WWOX: variants seen among roughly 807,000 people sequenced by gnomAD.
The protein encoded by WWOX is WW domain-containing oxidoreductase.
Under a neutral mutation model 46.2 loss-of-function variants are expected in WWOX, and 69 were observed. The ratio of observed to expected loss-of-function variants is 1.49; its 90% CI spans 1.23 to 1.82. The LOEUF (loss-of-function observed/expected upper bound fraction) is 1.82. WWOX is among the 40% of genes most tolerant of loss of function. The pLI is 0.00. For missense variants in WWOX, 919 were observed against 542.6 expected, an observed-to-expected ratio of 1.69 and a Z score of -6.89; for synonymous variants, 359 against 202.6, an observed-to-expected ratio of 1.77 and a Z score of -6.56.
chr16:78,274,171 C>G (rs1181009204), intron 5 of WWOX, among the ~76,000 whole-genome samples: 1 of 152,094 alleles, frequency 6.6e-6, no homozygotes, highest in Non-Finnish European at 1.5e-5. Context: ...TTGTTCCTTT[C>G]TTGCTCTTCC....
intron 8 of WWOX, among the ~76,000 whole-genome samples, chr16:78,527,198 A>G (rs2043492356): frequency 6.6e-6 from 1 of 152,138 alleles, no homozygotes; most frequent in African/African-American, 2.4e-5. Flanking sequence ...ACAGATGAAC[A>G]ACCCCACACA....
At chr16:78,754,977 A>T (rs766190709) in intron 8 of WWOX, among the ~76,000 whole-genome samples, 1 of 151,468 alleles carries the variant, frequency 6.6e-6, no homozygotes, top group Non-Finnish European at 1.5e-5. Context: ...TATTAAAAGA[A>T]TACACAGGAG....
At chr16:78,742,574 G>T (rs1203806673) in intron 8 of WWOX, among the ~76,000 whole-genome samples, 1 of 152,196 alleles carries the variant, frequency 6.6e-6, no homozygotes, top group African/African-American at 2.4e-5. Flanking sequence ...CTAGGGAAAG[G>T]AACGCACAGC....
intron 8 of WWOX, among the ~76,000 whole-genome samples, chr16:79,024,971 A>T (rs953082090): frequency 6.6e-6 from 1 of 152,158 alleles, no homozygotes; most frequent in Non-Finnish European, 1.5e-5. Flanking sequence ...GGCCTACACA[A>T]CAGGAGTTCA....
chr16:78,367,508 G>A (rs75405387), intron 5 of WWOX, among the ~76,000 whole-genome samples: 2,179 of 152,234 alleles, frequency 0.014, 34 homozygotes, highest in Middle Eastern at 0.061. Flanking sequence ...ACCCAGGGAA[G>A]CCAAAAGATT....
At chr16:78,289,161 C>T (rs1027727197) in intron 5 of WWOX, among the ~76,000 whole-genome samples, 1 of 152,094 alleles carries the variant, frequency 6.6e-6, no homozygotes, top group Non-Finnish European at 1.5e-5. Flanking sequence ...GTGCTGGCAG[C>T]GTCACTATGC....
chr16:78,114,627 G>A (rs1165341200), intron 3 of WWOX, among the ~76,000 whole-genome samples: 1 of 151,796 alleles, frequency 6.6e-6, no homozygotes, highest in African/African-American at 2.4e-5. Flanking sequence ...CTACTGAAAA[G>A]AGTGGCTGAC....
chr16:78,891,301 C>A (rs185251466), intron 8 of WWOX: 2 of 152,268 alleles, frequency 1.3e-5, no homozygotes, highest in Admixed American at 1.3e-4. Context: ...TCCTGGCTTT[C>A]TCCTAAGTTC....
At chr16:78,406,919 C>T (rs369779981) in intron 6 of WWOX, among the ~76,000 whole-genome samples, 14 of 152,208 alleles carry the variant, frequency 9.2e-5, no homozygotes, top group Admixed American at 2.0e-4. Context: ...AGCCACTGTG[C>T]CCGGCCGGAT....
chr16:78,632,333 G>C (rs1403160188), intron 8 of WWOX, among the ~76,000 whole-genome samples: 1 of 152,156 alleles, frequency 6.6e-6, no homozygotes, highest in Non-Finnish European at 1.5e-5. Context: ...ATTTGACACA[G>C]AGTAGGTCAG....
Position 78,821,975 on chromosome 16 carries a change from C to T in WWOX, c.1056+389223C>T, listed in dbSNP as rs569475877. Among the ~76,000 whole-genome samples the T allele has an allele frequency of 5.3e-5, 8 of 152,270 alleles. No individual in the cohort carries two copies. The South Asian group carries it at 1.7e-3, about 32-fold the overall frequency. Reference sequence around the variant, plus strand: ...CACAGCAGCCTCGACCTACCAGGCTCAAGCGATCCTTCTGCCTCAGTCTCC... The same window carrying T: ...CACAGCAGCCTCGACCTACCAGGCTTAAGCGATCCTTCTGCCTCAGTCTCC... On this transcript the variant is annotated intron_variant, in intron 8 of 8. Coordinates refer to ENST00000566780, the MANE Select transcript of WWOX (RefSeq NM_016373.4).
intron 8 of WWOX, among the ~76,000 whole-genome samples, chr16:78,851,541 G>A (rs79369319): frequency 0.048 from 7,281 of 152,244 alleles, 576 homozygotes; most frequent in African/African-American, 0.17. Flanking sequence ...TGTATTGCAC[G>A]TTTGTGTTTG....
intron 8 of WWOX, among the ~76,000 whole-genome samples, chr16:78,933,714 C>T (rs2045672963): frequency 6.6e-6 from 1 of 151,998 alleles, no homozygotes; most frequent in Non-Finnish European, 1.5e-5. Context: ...AGGGAAACTC[C>T]TGTTTTTTAA....
At chr16:78,591,870 C>T (rs1306705578) in intron 8 of WWOX, among the ~76,000 whole-genome samples, 3 of 152,194 alleles carry the variant, frequency 2.0e-5, no homozygotes, top group African/African-American at 4.8e-5. Context: ...CCTCTGTGAG[C>T]TACCACCACT....
intron 8 of WWOX, chr16:78,994,544 C>G (rs2046950082): frequency 6.6e-6 from 1 of 152,154 alleles, no homozygotes; most frequent in Non-Finnish European, 1.5e-5. Context: ...TCAATGAGAT[C>G]AGATTTCAGA....
At chr16:78,598,947 C>T (rs984261309) in intron 8 of WWOX, among the ~76,000 whole-genome samples, 3 of 152,172 alleles carry the variant, frequency 2.0e-5, no homozygotes, top group Non-Finnish European at 4.4e-5. Context: ...AACTGAAGCA[C>T]AGGAAGTTTC....
At chr16:78,130,392 A>G (rs1284482612) in intron 4 of WWOX, among the ~76,000 whole-genome samples, 2 of 152,192 alleles carry the variant, frequency 1.3e-5, no homozygotes, top group African/African-American at 4.8e-5. Context: ...GGCCCTCCCC[A>G]AGAACGTGAC....
chr16:78,144,079 TAAG>T (rs1212645602), intron 4 of WWOX, among the ~76,000 whole-genome samples: 1 of 152,138 alleles, frequency 6.6e-6, no homozygotes, highest in African/African-American at 2.4e-5. Context: ...TTCACATCTG[TAAG>T]AAATTTTCCA....
At chr16:78,983,523 T>C (rs72628254) in intron 8 of WWOX, among the ~76,000 whole-genome samples, 21,722 of 152,082 alleles carry the variant, frequency 0.14, 1,975 homozygotes, top group East Asian at 0.51. Flanking sequence ...AGAAATGGGG[T>C]ACGTTAAGAT....
Sources: gnomAD v4.1 joint callset for allele counts (sites outside exome capture counted in the v4.1 genomes callset) on GRCh38, gnomAD v4.1.1 for gene constraint, MANE v1.5 for transcripts, NCBI Gene and HGNC (gene_info 2026-07-23, HGNC 2026-07-21) for gene names.